The following EXOSC9 variants were observed in gnomAD, a reference collection of about 807,000 sequenced individuals.
The protein encoded by EXOSC9 is exosome complex component RRP45.
A neutral mutation model predicts 56.5 loss-of-function variants in EXOSC9; 38 were observed. The ratio of observed to expected loss-of-function variants is 0.67; its 90% CI spans 0.52 to 0.88. The LOEUF (loss-of-function observed/expected upper bound fraction) is 0.88. EXOSC9 is among the 40% of genes least tolerant of loss of function. The pLI is 0.00. For synonymous variants in EXOSC9, 170 were observed against 170.8 expected, an observed-to-expected ratio of 0.99 and a Z score of 0.04; for missense variants, 559 against 530.5, an observed-to-expected ratio of 1.05 and a Z score of -0.53.
intron 8 of EXOSC9, 84 bp from the exon 9 acceptor site, chr4:121,813,150 A>C: frequency 7.9e-7 from 1 of 1,272,470 alleles, no homozygotes; most frequent in South Asian, 1.6e-5. Context: ...AGGATAAAAT[A>C]ATAGTTTTTT....
Position 121,813,259 on chromosome 4 carries a change from G to A in EXOSC9, c.853G>A (p.Ala285Thr). The A allele has an allele frequency of 6.2e-7, 1 of 1,610,058 alleles. No homozygotes were observed. The highest frequency in any genetic ancestry group is 1.1e-5 in the South Asian group (1 of 90,410). Residue 285 changes from alanine to threonine, a missense_variant, in exon 9 of 12, where the codon GCA becomes ACA. By Grantham distance (58) the Ala-to-Thr change is moderately conservative (BLOSUM62 0). Transcript: ENST00000243498. ...VRKEGGKFGF[A>T]ESIANQRITA... is the part of the protein sequence containing the mutation. The stretch of plus-strand genomic sequence containing the variant: ...GAAAGAAGGTGGAAAGTTTGGTTTT[G>A]CAGAGTCTATAGCAAATCAAAGGAT...
chr4:121,813,925 ACTC>A lies in EXOSC9; in HGVS notation c.1037_1039del (p.Ser346del), dbSNP rs1288069869. 11 of 1,612,928 alleles carry A rather than the reference ACTC, an allele frequency of 6.8e-6. No homozygotes were observed. The highest frequency in any genetic ancestry group is 1.3e-5 in the African/African-American group (1 of 74,818). ...GCCCAAATTGGAGAGGGAGTAGAAA[ACTC>A]CTGGGGTGATCTTGAAGACTCTGAG... On this transcript the variant is annotated inframe_deletion, in exon 10 of 12. Transcript: ENST00000243498.
intron 10 of EXOSC9, chr4:121,815,518 T>C: frequency 1.0e-6 from 1 of 983,982 alleles, no homozygotes; most frequent in Non-Finnish European, 1.2e-6. Flanking sequence ...ACATTTTATG[T>C]ATATCATTAA....
chr4:121,807,579 C>G lies in EXOSC9; in HGVS notation c.562C>G (p.His188Asp). 1 of 1,613,436 alleles carries G rather than the reference C, an allele frequency of 6.2e-7. No individual in the cohort carries two copies. Among genetic ancestry groups the G allele is most frequent in the South Asian group, 1.1e-5 (1 of 91,054 alleles). Residue 188 changes from histidine (H) to aspartate (D), a missense_variant, in exon 6 of 12, where the codon CAC becomes GAC. His to Asp is a moderately conservative substitution (Grantham distance 81). Coordinates refer to ENST00000243498, the MANE Select transcript of EXOSC9 (RefSeq NM_005033.3). ...GCGTGATCCTGTACCATTAAGTATC[C>G]ACCACATGCCCATTTGTGTCAGTTT... ...EERDPVPLSI[H>D]HMPICVSFAF...
Position 121,802,794 on chromosome 4 carries a change from G to T in EXOSC9, c.281+1G>T, listed in dbSNP as rs1239223809. Reference sequence around the variant, plus strand: ...CCGCTCCAGCTTTCGAACCTGGCAGGTATTTAAATCTTTTTCTTAAGTTGC... The same window carrying T: ...CCGCTCCAGCTTTCGAACCTGGCAGTTATTTAAATCTTTTTCTTAAGTTGC... On this transcript the variant is annotated splice_donor_variant, in intron 3 of 11. Transcript: ENST00000243498. LOFTEE classifies it high-confidence loss of function. 1.2e-6 allele frequency: 2 copies of T among 1,613,532 alleles called. No homozygotes were observed. The highest frequency in any genetic ancestry group is 1.7e-5 in the Admixed American group (1 of 59,844).
chr4:121,809,796 TAAACAC>T (rs779255954), intron 6 of EXOSC9, 165 bp from the exon 7 acceptor site: 13 of 646,420 alleles, frequency 2.0e-5, no homozygotes, highest in Non-Finnish European at 3.2e-5. Context: ...TTTGTGTTCA[TAAACAC>T]AATAATTTTC....
chr4:121,809,935 A>C lies in EXOSC9; in HGVS notation c.606-32A>C, dbSNP rs781144753. 3.1e-6 allele frequency: 5 copies of C among 1,613,174 alleles called. No homozygotes were observed. In the African/African-American group the frequency reaches 6.7e-5, roughly 22 times the overall value. ...AGAAATGGTAAGCATTCGGTCTCAG[A>C]TTTGTTCAGGTCCATTTAACATTCA... On this transcript the variant is annotated intron_variant, in intron 6 of 11. Coordinates refer to ENST00000243498, the MANE Select transcript of EXOSC9 (RefSeq NM_005033.3).
Position 121,813,990 on chromosome 4 carries a change from A to C in EXOSC9, c.1099A>C (p.Ile367Leu). Residue 367 changes from isoleucine to leucine, a missense_variant, in exon 10 of 12, where the codon ATT (isoleucine) becomes CTT (leucine). Physicochemically the swap from Ile to Leu is conservative, Grantham distance 5. Transcript: ENST00000243498. ...TGAAGGCGGTGGTGATCAAGCTATCATTCTTGATGGTATAAAAATGGACAC... is the reference window on the plus strand; with the variant it reads ...TGAAGGCGGTGGTGATCAAGCTATCCTTCTTGATGGTATAAAAATGGACAC... ...DDEGGGDQAI[I>L]LDGIKMDTGV... The C allele has an allele frequency of 6.2e-7, 1 of 1,613,708 alleles. No homozygotes were observed. The highest frequency in any genetic ancestry group is 1.1e-5 in the South Asian group (1 of 91,080).
Position 121,804,719 on chromosome 4 carries a change from G to GA in EXOSC9, c.484dup (p.Arg162LysfsTer3), listed in dbSNP as rs1726969482. On this transcript the variant is annotated frameshift_variant, in exon 5 of 12. Transcript: ENST00000243498. LOFTEE classifies it high-confidence loss of function. ...GCAATCGTGGCCTTATGTCATTTCC[G>GA]AAGACCTGATGTCTCTGTCCAAGGA... 8 of 1,613,102 alleles carry GA rather than the reference G, an allele frequency of 5.0e-6. No homozygotes were observed. The East Asian group carries it at 1.8e-4, about 36-fold the overall frequency.
intron 8 of EXOSC9, among the ~76,000 whole-genome samples, chr4:121,812,224 A>T (rs1727232493): frequency 6.6e-6 from 1 of 152,102 alleles, no homozygotes; most frequent in Non-Finnish European, 1.5e-5. Context: ...AAGAGGAAAG[A>T]CCCTCCTAAG....
chr4:121,803,680 C>T (rs2149034301), intron 4 of EXOSC9, among the ~76,000 whole-genome samples: 1 of 152,254 alleles, frequency 6.6e-6, no homozygotes, highest in Admixed American at 6.5e-5. Context: ...GCTGGAACTA[C>T]CGGCGCCTGC....
At position 121,806,484 on chromosome 4, in the gene EXOSC9, GA is replaced by G. The variant is rs112943154; in HGVS notation, c.523-1041del. On this transcript the variant is annotated intron_variant, in intron 5 of 11. Coordinates refer to ENST00000243498, the MANE Select transcript of EXOSC9 (RefSeq NM_005033.3). ...AACAAACTGCAATGGCTTAAAATTAGAAAAAAAAAAAAAAATTCTAGCAATT... is the reference window on the plus strand; with the variant it reads ...AACAAACTGCAATGGCTTAAAATTAGAAAAAAAAAAAAAATTCTAGCAATT... Among the ~76,000 whole-genome samples, 2,309 of 120,160 alleles carry G rather than the reference GA, an allele frequency of 0.019. 115 individuals are homozygous for G. In the East Asian group the frequency reaches 0.22, roughly 12 times the overall value. The allele number at this position is 120,160 out of a possible 152,430, so 78.8% of individuals were successfully genotyped here.
intron 7 of EXOSC9, among the ~76,000 whole-genome samples, chr4:121,810,897 A>G (rs1188784924): frequency 6.6e-6 from 1 of 152,110 alleles, no homozygotes; most frequent in Non-Finnish European, 1.5e-5. Flanking sequence ...ATCCAATAGT[A>G]GACATTATGT....
Position 121,801,524 on chromosome 4 carries a change from G to T in EXOSC9, c.66+34G>T, listed in dbSNP as rs754473621. The T allele has an allele frequency of 1.9e-6, 3 of 1,604,304 alleles. No individual in the cohort carries two copies. In the Admixed American group the frequency reaches 5.0e-5, roughly 27 times the overall value. The stretch of plus-strand genomic sequence containing the variant: ...TGGTGCCCGCAGAATTGCGCGCTGC[G>T]TGGGCGCTCGGGTCTCAAGGTGTGG... On this transcript the variant is annotated intron_variant, in intron 1 of 11. Coordinates refer to ENST00000243498, the MANE Select transcript of EXOSC9 (RefSeq NM_005033.3).
At chr4:121,805,731 G>T (rs894670637) in intron 5 of EXOSC9, among the ~76,000 whole-genome samples, 7 of 152,004 alleles carry the variant, frequency 4.6e-5, no homozygotes, top group African/African-American at 1.7e-4. Context: ...GAAAAGTTTG[G>T]TAGCTTAAGT....
chr4:121,804,067 T>C (rs1260100724), intron 4 of EXOSC9, among the ~76,000 whole-genome samples: 1 of 152,104 alleles, frequency 6.6e-6, no homozygotes, highest in East Asian at 1.9e-4. Flanking sequence ...GTGGTGTCAT[T>C]ATAGCTCACT....
Position 121,810,048 on chromosome 4 carries a change from A to T in EXOSC9, c.687A>T (p.Arg229=). ...GLLVIAMNKH[R]EICTIQSSGG... is the part of the protein sequence containing the mutation. ...TGGTGATTGCCATGAACAAACATCG[A>T]GAGATTTGTACTATCCAGTCCAGTG... is the stretch of plus-strand genomic sequence containing the variant. The change falls in exon 7 of 12, where the codon CGA becomes CGT. Residue 229 remains arginine, a synonymous_variant. Coordinates refer to ENST00000243498, the MANE Select transcript of EXOSC9 (RefSeq NM_005033.3). The T allele has an allele frequency of 6.2e-7, 1 of 1,613,342 alleles. No homozygotes were observed. Among genetic ancestry groups the T allele is most frequent in the Non-Finnish European group, 8.5e-7 (1 of 1,179,264 alleles).
In EXOSC9 at chr4:121,809,585, C is replaced by T. The variant is rs1362154562; in HGVS notation, c.606-382C>T. Among the ~76,000 whole-genome samples, 8 of 152,166 alleles carry T rather than the reference C, an allele frequency of 5.3e-5. No individual in the cohort carries two copies. In the East Asian group the frequency reaches 1.4e-3, roughly 26 times the overall value. ...TTTTTTTCATGAGCCATTAGCAGAA[C>T]GCAGTAGAACTTTGGAGTACAGGAC... On this transcript the variant is annotated intron_variant, in intron 6 of 11. Coordinates refer to ENST00000243498, the MANE Select transcript of EXOSC9 (RefSeq NM_005033.3).
intron 10 of EXOSC9, 194 bp from the exon 11 acceptor site, chr4:121,816,175 A>G: frequency 1.5e-6 from 1 of 651,236 alleles, no homozygotes; most frequent in Non-Finnish European, 2.7e-6. Flanking sequence ...GCCAGACTGG[A>G]CTCGAGTTCC....
Sources: allele counts gnomAD v4.1 joint callset (sites outside exome capture counted in the v4.1 genomes callset), GRCh38; gene constraint gnomAD v4.1.1; transcripts MANE v1.5; gene names NCBI Gene and HGNC (gene_info 2026-07-23, HGNC 2026-07-21).